PFKFB3: variants seen among roughly 807,000 people sequenced by gnomAD.
PFKFB3 encodes 6-phosphofructo-2-kinase/fructose-2,6-bisphosphatase 3.
A neutral mutation model predicts 68.0 loss-of-function variants in PFKFB3; 33 were observed. The observed-to-expected ratio is 0.49, with a 90% CI of 0.37 to 0.65. PFKFB3 has a LOEUF of 0.65. Ranked by LOEUF, PFKFB3 falls within the 30% of genes least tolerant of loss-of-function variation. The pLI is 0.00. For missense variants in PFKFB3, 586 were observed against 712.2 expected (o/e 0.82, Z 2.02); for synonymous variants, 315 against 288.2 (o/e 1.09, Z -0.94).
At chr10:6,323,582 G>T in the PFKFB3 span, among the ~76,000 whole-genome samples, 3 of 152,152 alleles carry the variant, frequency 2.0e-5, no homozygotes, top group Admixed American at 2.0e-4. Context: ...CTACTTTAGT[G>T]AAGAGGAAAA....
chr10:6,186,357 A>C (rs1025670367), intron 1 of PFKFB3, among the ~76,000 whole-genome samples: 3 of 152,082 alleles, frequency 2.0e-5, no homozygotes, highest in Non-Finnish European at 4.4e-5. Flanking sequence ...ATTCCTGTGG[A>C]TGGAATGGAA....
chr10:6,177,300 T>C (rs568167490), intron 1 of PFKFB3, among the ~76,000 whole-genome samples: 52 of 152,314 alleles, frequency 3.4e-4, no homozygotes, highest in African/African-American at 1.2e-3. Context: ...GCTTTTTCTC[T>C]TACACATAGT....
At chr10:6,324,254 G>A in the PFKFB3 span, among the ~76,000 whole-genome samples, 10 of 152,140 alleles carry the variant, frequency 6.6e-5, no homozygotes, top group Non-Finnish European at 8.8e-5. Context: ...GATTCCCAGA[G>A]TAGTCAAATT....
intron 1 of PFKFB3, among the ~76,000 whole-genome samples, chr10:6,182,849 A>C (rs1487081341): frequency 6.6e-6 from 1 of 152,196 alleles, no homozygotes; most frequent in Non-Finnish European, 1.5e-5. Flanking sequence ...CAGAGGGCTG[A>C]GCCTCTGCCA....
intron 4 of PFKFB3, among the ~76,000 whole-genome samples, 176 bp from the exon 5 acceptor site, chr10:6,216,530 G>A (rs924352348): frequency 1.4e-5 from 2 of 141,462 alleles, no homozygotes; most frequent in Admixed American, 7.1e-5. Context: ...TGGTAGTTGC[G>A]GGAGGCCTGC....
At chr10:6,326,602 C>T in the PFKFB3 span, 171 of 452,006 alleles carry the variant, frequency 3.8e-4, 1 homozygote, top group African/African-American at 2.6e-3. Flanking sequence ...TCCGTTGCCC[C>T]GACGAGGAAG....
chr10:6,148,371 G>T (rs1161150807), intron 1 of PFKFB3, among the ~76,000 whole-genome samples: 2 of 152,232 alleles, frequency 1.3e-5, no homozygotes, highest in African/African-American at 4.8e-5. Context: ...GGACCGCAGT[G>T]GTATGGCACG....
At position 6,206,994 on chromosome 10, in the gene PFKFB3, TG is replaced by T. The variant is rs1304656960; in HGVS notation, c.76+3661del. On this transcript the variant is annotated intron_variant, in intron 1 of 14. Transcript: ENST00000379775. ...GAGGGGCTCCTCACATCCCAGACGATGGGTGGCCAGGCAGAGACGCTCCTCA... is the reference window on the plus strand; with the variant it reads ...GAGGGGCTCCTCACATCCCAGACGATGGTGGCCAGGCAGAGACGCTCCTCA... 2.0e-4 allele frequency among the ~76,000 whole-genome samples: 29 copies of T among 147,220 alleles called. 2 individuals are homozygous for T. Among genetic ancestry groups the T allele is most frequent in the Non-Finnish European group, 3.0e-4 (20 of 67,008 alleles).
chr10:6,180,814 C>G (rs1255660760), intron 1 of PFKFB3, among the ~76,000 whole-genome samples: 2 of 152,146 alleles, frequency 1.3e-5, no homozygotes, highest in Non-Finnish European at 2.9e-5. Context: ...GTTCTGAGTG[C>G]TTTACTTTTA....
chr10:6,216,103 G>A (rs1316592446), intron 3 of PFKFB3, 22 bp from the exon 4 acceptor site: 3 of 1,610,746 alleles, frequency 1.9e-6, no homozygotes, highest in Non-Finnish European at 2.5e-6. Flanking sequence ...CTGACATTCG[G>A]GCAATGTCTT....
intron 1 of PFKFB3, among the ~76,000 whole-genome samples, chr10:6,177,169 T>C (rs1397557393): frequency 6.6e-6 from 1 of 152,210 alleles, no homozygotes; most frequent in Non-Finnish European, 1.5e-5. Flanking sequence ...AGCTCTACAG[T>C]GAACTCTAAC....
intron 14 of PFKFB3, among the ~76,000 whole-genome samples, chr10:6,250,918 C>T (rs1588570363): frequency 1.3e-5 from 2 of 152,310 alleles, no homozygotes; most frequent in Admixed American, 6.5e-5. Flanking sequence ...ACTACGCCAG[C>T]GCTTCTTAAC....
chr10:6,261,684 C>A, the PFKFB3 span, among the ~76,000 whole-genome samples: 2 of 151,956 alleles, frequency 1.3e-5, no homozygotes, highest in South Asian at 2.1e-4. Context: ...CATGGTAAAA[C>A]CCCATCTCTA....
chr10:6,155,970 A>G (rs1430411251), intron 1 of PFKFB3, among the ~76,000 whole-genome samples: 1 of 152,154 alleles, frequency 6.6e-6, no homozygotes, highest in Admixed American at 6.6e-5. Context: ...ACATGCACAT[A>G]GCGAACATCC....
chr10:6,167,591 C>G (rs1291929191), intron 1 of PFKFB3, among the ~76,000 whole-genome samples: 3 of 152,152 alleles, frequency 2.0e-5, no homozygotes, highest in Non-Finnish European at 4.4e-5. Context: ...TTTCTTGGAT[C>G]CCTAGCTAGC....
At chr10:6,246,991 C>T (rs1382792432) in intron 14 of PFKFB3, among the ~76,000 whole-genome samples, 1 of 152,206 alleles carries the variant, frequency 6.6e-6, no homozygotes, top group Non-Finnish European at 1.5e-5. Flanking sequence ...GGGTCTGTTG[C>T]CCAGACCCGG....
intron 1 of PFKFB3, among the ~76,000 whole-genome samples, chr10:6,177,486 T>TC (rs1842559012): frequency 7.6e-6 from 1 of 132,062 alleles, no homozygotes; most frequent in Non-Finnish European, 1.6e-5. Context: ...CTTTCTTTCT[T>TC]TTTCTTTTCT....
the PFKFB3 span, among the ~76,000 whole-genome samples, chr10:6,280,227 G>A: frequency 6.6e-6 from 1 of 152,232 alleles, no homozygotes; most frequent in Non-Finnish European, 1.5e-5. Flanking sequence ...TCCCTCTGTG[G>A]TGACATAGTC....
At position 6,242,818 on chromosome 10, in the gene PFKFB3, C is replaced by G. The variant is rs144757474; in HGVS notation, c.1516-11360C>G. Among the ~76,000 whole-genome samples, 1,034 of 152,310 alleles carry G rather than the reference C, an allele frequency of 6.8e-3. 9 individuals are homozygous for G. Among genetic ancestry groups the G allele is most frequent in the Middle Eastern group, 0.044 (13 of 294 alleles). On this transcript the variant is annotated intron_variant, in intron 14 of 14. Transcript: ENST00000640683. ...GGCCAGGCTGGTTTCGAACTCTTGA[C>G]CTGAGGTGATCCGCCCACCTCGGCC...
Sources: allele counts gnomAD v4.1 joint callset (sites outside exome capture counted in the v4.1 genomes callset), GRCh38; gene constraint gnomAD v4.1.1; transcripts MANE v1.5; gene names NCBI Gene and HGNC (gene_info 2026-07-23, HGNC 2026-07-21).